B3GALT1: variants seen among roughly 807,000 people sequenced by gnomAD.
The protein encoded by B3GALT1 is UDP-Gal:betaGlcNAc beta 1,3-galactosyltransferase, polypeptide 1.
In B3GALT1, 10 loss-of-function variants were observed where a neutral mutation model predicts 23.2. That is an observed-to-expected ratio of 0.43 (90% CI 0.27 to 0.73). The LOEUF (loss-of-function observed/expected upper bound fraction) is 0.73, where lower values mean the gene tolerates loss of function less well. Ranked by LOEUF, B3GALT1 falls within the 30% of genes least tolerant of loss-of-function variation. B3GALT1 has a pLI of 0.21. For synonymous variants in B3GALT1, 156 were observed against 141.5 expected (o/e 1.10, Z -0.73); for missense variants, 299 against 405.4 (o/e 0.74, Z 2.25).
intron 1 of B3GALT1, among the ~76,000 whole-genome samples, chr2:167,401,673 G>A (rs1193792472): frequency 6.6e-6 from 1 of 152,130 alleles, no homozygotes; most frequent in Non-Finnish European, 1.5e-5. Flanking sequence ...AGAAGTCTCA[G>A]CTCTATTCTC....
At chr2:167,730,022 G>A (rs6752640) in intron 3 of B3GALT1, among the ~76,000 whole-genome samples, 4,011 of 152,166 alleles carry the variant, frequency 0.026, 182 homozygotes, top group African/African-American at 0.09. Flanking sequence ...TGCCCAGAAG[G>A]GTGCACCACA....
intron 3 of B3GALT1, among the ~76,000 whole-genome samples, chr2:167,817,031 G>A (rs918394619): frequency 6.6e-6 from 1 of 152,170 alleles, no homozygotes; most frequent in Non-Finnish European, 1.5e-5. Context: ...TAAGCAGTTG[G>A]TGTTTGTCTG....
chr2:167,442,643 T>G (rs1325786104), intron 1 of B3GALT1, among the ~76,000 whole-genome samples: 1 of 151,172 alleles, frequency 6.6e-6, no homozygotes, highest in African/African-American at 2.5e-5. Flanking sequence ...TGGTGAGCAT[T>G]TTTTCATGTG....
At chr2:167,394,252 TCA>T (rs1198794536) in intron 1 of B3GALT1, among the ~76,000 whole-genome samples, 1 of 152,194 alleles carries the variant, frequency 6.6e-6, no homozygotes, top group Non-Finnish European at 1.5e-5. Context: ...ATTTAAACAT[TCA>T]CAGTTTTAGG....
At chr2:167,613,150 C>T (rs1685100924) in intron 2 of B3GALT1, among the ~76,000 whole-genome samples, 1 of 151,872 alleles carries the variant, frequency 6.6e-6, no homozygotes, top group Admixed American at 6.6e-5. Flanking sequence ...TATAAATGTT[C>T]ACATGCTCAG....
intron 1 of B3GALT1, among the ~76,000 whole-genome samples, chr2:167,352,844 C>A (rs1287174833): frequency 6.6e-6 from 1 of 152,118 alleles, no homozygotes; most frequent in Non-Finnish European, 1.5e-5. Context: ...TGATAGATTA[C>A]CCAGTATCTC....
chr2:167,592,455 A>C (rs946895055), intron 2 of B3GALT1, among the ~76,000 whole-genome samples: 1 of 152,192 alleles, frequency 6.6e-6, no homozygotes, highest in Non-Finnish European at 1.5e-5. Context: ...GTTTGTGGAC[A>C]TAGAAATTTC....
intron 3 of B3GALT1, among the ~76,000 whole-genome samples, chr2:167,782,842 T>G (rs1688271072): frequency 6.6e-6 from 1 of 152,208 alleles, no homozygotes; most frequent in Admixed American, 6.5e-5. Flanking sequence ...AAAGCCATGT[T>G]TATAAGGTCA....
chr2:167,803,336 A>G (rs1329975741), intron 3 of B3GALT1, among the ~76,000 whole-genome samples: 2 of 152,200 alleles, frequency 1.3e-5, no homozygotes, highest in Admixed American at 6.6e-5. Context: ...TTTTGATTGC[A>G]ACATCAGATT....
At chr2:167,845,702 GCCCCCACC>G (rs1233816301) in intron 4 of B3GALT1, among the ~76,000 whole-genome samples, 1 of 150,594 alleles carries the variant, frequency 6.6e-6, no homozygotes, top group Non-Finnish European at 1.5e-5. Flanking sequence ...TTAACACCGC[GCCCCCACC>G]CCCCCGCAAC....
At chr2:167,703,040 C>G (rs979892256) in intron 3 of B3GALT1, among the ~76,000 whole-genome samples, 1 of 152,166 alleles carries the variant, frequency 6.6e-6, no homozygotes, top group Non-Finnish European at 1.5e-5. Flanking sequence ...GAATGCTCAC[C>G]TGGTGGATTT....
At chr2:167,367,548 G>C (rs1244022331) in intron 1 of B3GALT1, among the ~76,000 whole-genome samples, 4 of 152,134 alleles carry the variant, frequency 2.6e-5, no homozygotes, top group African/African-American at 4.8e-5. Flanking sequence ...AGATATCTTA[G>C]AGATTAGTTA....
chr2:167,362,892 G>T (rs1455702266), intron 1 of B3GALT1, among the ~76,000 whole-genome samples: 1 of 152,148 alleles, frequency 6.6e-6, no homozygotes, highest in African/African-American at 2.4e-5. Flanking sequence ...GTCTCGCCCT[G>T]TCACCCAGGC....
intron 2 of B3GALT1, among the ~76,000 whole-genome samples, chr2:167,607,622 T>G (rs1684988910): frequency 6.6e-6 from 1 of 152,220 alleles, no homozygotes; most frequent in African/African-American, 2.4e-5. Flanking sequence ...TTAAAGCACT[T>G]GTTAAGCATG....
chr2:167,756,582 C>T (rs528712407), intron 3 of B3GALT1, among the ~76,000 whole-genome samples: 170 of 152,234 alleles, frequency 1.1e-3, no homozygotes, highest in African/African-American at 3.9e-3. Context: ...TGTAGCTACC[C>T]GGGGAATGGA....
chr2:167,617,407 C>T (rs1685179273), intron 2 of B3GALT1, among the ~76,000 whole-genome samples: 3 of 151,960 alleles, frequency 2.0e-5, no homozygotes, highest in Non-Finnish European at 2.9e-5. Flanking sequence ...ATGCTTAGAA[C>T]AATTATAAGT....
chr2:167,339,469 T>G (rs1697114657), intron 1 of B3GALT1, among the ~76,000 whole-genome samples: 1 of 152,054 alleles, frequency 6.6e-6, no homozygotes, highest in Non-Finnish European at 1.5e-5. Context: ...AAGTAAATAC[T>G]AAATCCAACA....
intron 1 of B3GALT1, among the ~76,000 whole-genome samples, chr2:167,369,084 TGTGTGTGTGTGTGTGTGTG>T (rs1350593075): frequency 2.7e-5 from 4 of 148,448 alleles, no homozygotes; most frequent in Non-Finnish European, 6.0e-5. Context: ...TGTGTGTGTG[TGTGTGTGTGTGTGTGTGTG>T]TGTGTATCTT....
chr2:167,406,518 A>G (rs1698278943), intron 1 of B3GALT1, among the ~76,000 whole-genome samples: 1 of 152,174 alleles, frequency 6.6e-6, no homozygotes, highest in Non-Finnish European at 1.5e-5. Context: ...CCAAGCACAC[A>G]GGAAATCTCC....
Sources: gnomAD v4.1 joint callset for allele counts (sites outside exome capture counted in the v4.1 genomes callset) on GRCh38, gnomAD v4.1.1 for gene constraint, MANE v1.5 for transcripts, NCBI Gene and HGNC (gene_info 2026-07-23, HGNC 2026-07-21) for gene names.